Variants in CEP170B observed in about 807,000 individuals in gnomAD.
CEP170B encodes the protein centrosomal protein 170B.
CEP170B carries 55 observed loss-of-function variants against 120.6 expected under a neutral mutation model. The ratio of observed to expected loss-of-function variants is 0.46; its 90% CI spans 0.37 to 0.57. The LOEUF (loss-of-function observed/expected upper bound fraction) is 0.57. CEP170B is among the 20% of genes least tolerant of loss of function. The pLI, the probability that CEP170B is intolerant of heterozygous loss-of-function variation, is 0.00. For synonymous variants in CEP170B, 1,033 were observed against 954.5 expected (o/e 1.08, Z -1.52); for missense variants, 2,212 against 2,253.3 (o/e 0.98, Z 0.37).
rs1896308428 is a variant in CEP170B, at chr14:104,883,994, C to T, written c.1215C>T (p.Val405=). The T allele has an allele frequency of 6.2e-7, 1 of 1,610,838 alleles. No homozygotes were observed. The highest frequency in any genetic ancestry group is 1.3e-5 in the African/African-American group (1 of 75,044). Residue 405 remains valine, a synonymous_variant, in exon 9 of 19, where the codon GTC becomes GTT. Coordinates refer to ENST00000414716, the MANE Select transcript of CEP170B (RefSeq NM_001112726.3). ...TACTACATAACCAGCAGGCCTTTGT[C>T]ATCGAGTTCTTCGACGAGGACACAC... ...QELLHNQQAF[V]IEFFDEDTPR...
At chr14:104,882,042 G>A (rs1896184068) in intron 6 of CEP170B, among the ~76,000 whole-genome samples, 1 of 152,136 alleles carries the variant, frequency 6.6e-6, no homozygotes, top group Non-Finnish European at 1.5e-5. Context: ...CCAGGAAGGA[G>A]ACTGTGGGCA....
chr14:104,893,978 C>G (rs1020229053), intron 16 of CEP170B, 129 bp downstream of exon 16: 30 of 874,668 alleles, frequency 3.4e-5, no homozygotes, highest in African/African-American at 5.0e-5. Flanking sequence ...TGGAGCAGCC[C>G]TCCCGTGTGC....
intron 8 of CEP170B, 126 bp from the exon 9 acceptor site, chr14:104,883,705 G>C (rs72700188): frequency 0.014 from 15,302 of 1,117,220 alleles, 142 homozygotes; most frequent in Middle Eastern, 0.023. Flanking sequence ...TGCCCTGTGT[G>C]GGGGGGCCCT....
chr14:104,893,620 G>A lies in CEP170B; in HGVS notation c.4136G>A (p.Cys1379Tyr). 6.3e-7 allele frequency: 1 copy of A among 1,598,348 alleles called. No homozygotes were observed. Among genetic ancestry groups the A allele is most frequent in the Non-Finnish European group, 8.5e-7 (1 of 1,173,632 alleles). Residue 1379 changes from cysteine to tyrosine, a missense_variant, in exon 15 of 19, where the codon TGT (cysteine) becomes TAT (tyrosine). By Grantham distance (194) the Cys-to-Tyr change is radical. Transcript: ENST00000414716. Reference protein sequence around the residue: ...RDFDQNMNDSCEDALANKTRP... With the variant: ...RDFDQNMNDSYEDALANKTRP... ...TTTGACCAGAACATGAACGACAGCT[G>A]TGAGGACGCCCTGGCCAACAAGACG...
Position 104,889,752 on chromosome 14 carries a change from T to C in CEP170B, c.3872T>C (p.Ile1291Thr), listed in dbSNP as rs1896698243. 1.9e-6 allele frequency: 3 copies of C among 1,601,132 alleles called. No homozygotes were observed. Among genetic ancestry groups the C allele is most frequent in the African/African-American group, 1.3e-5 (1 of 74,584 alleles). ...FIVQTAEIAE[I>T]ARLSQTLVKD... The stretch of plus-strand genomic sequence containing the variant: ...GTGCAGACGGCAGAGATTGCGGAGA[T>C]TGCCAGGTGAGTAGCCCATTCAGAG... Residue 1291 changes from isoleucine to threonine, a missense_variant, in exon 13 of 19, where the codon ATT (isoleucine) becomes ACT (threonine). This residue lies in a region of CEP170B where 2,166 missense variants were observed against 2,166.7 expected (regional missense o/e 1.00). Coordinates refer to ENST00000414716, the MANE Select transcript of CEP170B (RefSeq NM_001112726.3).
At position 104,895,038 on chromosome 14, in the gene CEP170B, G is replaced by GTGTTTCT. The variant is rs1897018296; in HGVS notation, c.*80_*81insTGTTTCT. On this transcript the variant is annotated 3_prime_UTR_variant, in exon 19 of 19. Transcript: ENST00000414716. The stretch of plus-strand genomic sequence containing the variant: ...CCGCCGCACACCCGCCTGCCTGGCC[G>GTGTTTCT]CAGGTGGTTCTCCCTGAAGACCCCC... The GTGTTTCT allele has an allele frequency of 1.4e-6, 2 of 1,428,490 alleles. No homozygotes were observed. Among genetic ancestry groups the GTGTTTCT allele is most frequent in the Non-Finnish European group, 1.9e-6 (2 of 1,077,674 alleles). 88.5% of individuals were successfully genotyped at this position (1,428,490 alleles called of 1,614,324 possible).
intron 2 of CEP170B, among the ~76,000 whole-genome samples, chr14:104,872,261 T>TGCC (rs2140632649): frequency 7.6e-6 from 1 of 131,800 alleles, no homozygotes; most frequent in African/African-American, 3.0e-5. Flanking sequence ...GCCATGTGTG[T>TGCC]GCGTGTGGGT....
In CEP170B at chr14:104,865,281, C is replaced by T. The variant is rs1190355793; in HGVS notation, c.-260C>T. 2.1e-5 allele frequency: 3 copies of T among 146,296 alleles called. No individual in the cohort carries two copies. Among genetic ancestry groups the T allele is most frequent in the African/African-American group, 4.9e-5 (2 of 40,720 alleles). The allele number at this position is 146,296 out of a possible 1,614,324, so 9.1% of individuals were successfully genotyped here. A position where few individuals can be genotyped will look rare whatever the true frequency, so the allele number is the denominator to read the frequency against. On this transcript the variant is annotated 5_prime_UTR_variant, in exon 1 of 19. Transcript: ENST00000414716. The surrounding 1 kb of genome is among the most constrained non-coding windows in gnomAD (Gnocchi z 6.7). ...TGAGCCTCCCGCAGACGTCAGGGAC[C>T]CGCGCGCGAGGCCGCCGGCGGCCGC...
At chr14:104,865,040 G>C (rs1490164989), upstream of CEP170B, among the ~76,000 whole-genome samples, 1 of 151,396 alleles carries the variant, frequency 6.6e-6, no homozygotes, top group Non-Finnish European at 1.5e-5. The surrounding 1 kb of genome is among the most constrained non-coding windows in gnomAD (Gnocchi z 6.7). Flanking sequence ...CGGGGCCTGG[G>C]CGGTGGGGGA....
rs1307310618 is a variant in CEP170B at position 104,895,056 on chromosome 14, A to G, written c.*98A>G. The G allele has an allele frequency of 5.9e-6, 8 of 1,352,674 alleles. No individual in the cohort carries two copies. Among genetic ancestry groups the G allele is most frequent in the Non-Finnish European group, 7.9e-6 (8 of 1,013,288 alleles). The allele number at this position is 1,352,674 out of a possible 1,614,324, so 83.8% of individuals were successfully genotyped here. Reference sequence around the variant, plus strand: ...CCTGGCCGCAGGTGGTTCTCCCTGAAGACCCCCACATGTGCCATATCCCTG... The same window carrying G: ...CCTGGCCGCAGGTGGTTCTCCCTGAGGACCCCCACATGTGCCATATCCCTG... On this transcript the variant is annotated 3_prime_UTR_variant, in exon 19 of 19. Transcript: ENST00000414716.
At chr14:104,888,387 C>T (rs1291053033) in intron 12 of CEP170B, among the ~76,000 whole-genome samples, 2 of 152,238 alleles carry the variant, frequency 1.3e-5, no homozygotes, top group East Asian at 1.9e-4. Context: ...CCATGGATCT[C>T]TGCCGCAGTA....
intron 3 of CEP170B, among the ~76,000 whole-genome samples, chr14:104,877,401 T>C (rs1895911026): frequency 6.6e-6 from 1 of 152,114 alleles, no homozygotes; most frequent in African/African-American, 2.4e-5. Flanking sequence ...CCCACCTGCC[T>C]GTGGGACTGG....
In CEP170B at chr14:104,891,216, C is replaced by T. The variant is rs1449015424; in HGVS notation, c.3878+1458C>T. 2.0e-5 allele frequency among the ~76,000 whole-genome samples: 3 copies of T among 152,086 alleles called. No homozygotes were observed. Among genetic ancestry groups the T allele is most frequent in the Non-Finnish European group, 4.4e-5 (3 of 67,994 alleles). On this transcript the variant is annotated intron_variant, in intron 13 of 18. Coordinates refer to ENST00000414716, the MANE Select transcript of CEP170B (RefSeq NM_001112726.3). This position sits in a 1 kb window ranked among gnomAD's most constrained non-coding sequence, Gnocchi z 4.3. ...TCACATGGTCATTCAGTAACAGGGC[C>T]CTCTCCAGGCCAGGCGCTGGGGAGG...
At position 104,896,584 on chromosome 14, in the gene CEP170B, C is replaced by G. The variant is rs1209382108; in HGVS notation, c.*1626C>G. On this transcript the variant is annotated 3_prime_UTR_variant, in exon 19 of 19. Transcript: ENST00000414716. ...CACACTGAGCTCCTTTGTTCCTCCC[C>G]CTCCAGCCTTTGCCTGGGAACTGGT... 1 of 456,106 alleles carries G rather than the reference C, an allele frequency of 2.2e-6. No individual in the cohort carries two copies. Among genetic ancestry groups the G allele is most frequent in the East Asian group, 7.0e-5 (1 of 14,382 alleles). 28.3% of individuals were successfully genotyped at this position (456,106 alleles called of 1,614,324 possible).
intron 5 of CEP170B, 102 bp from the exon 6 acceptor site, chr14:104,880,185 T>G: frequency 6.8e-7 from 1 of 1,467,018 alleles, no homozygotes. Context: ...ACATGCAAAG[T>G]CATAGCTGGG....
Position 104,895,057 on chromosome 14 carries a change from G to T in CEP170B, c.*99G>T. The T allele has an allele frequency of 1.5e-6, 2 of 1,354,972 alleles. No homozygotes were observed. The highest frequency in any genetic ancestry group is 2.0e-6 in the Non-Finnish European group (2 of 1,015,104). The allele number at this position is 1,354,972 out of a possible 1,614,324, so 83.9% of individuals were successfully genotyped here. Reference sequence around the variant, plus strand: ...CTGGCCGCAGGTGGTTCTCCCTGAAGACCCCCACATGTGCCATATCCCTGT... The same window carrying T: ...CTGGCCGCAGGTGGTTCTCCCTGAATACCCCCACATGTGCCATATCCCTGT... On this transcript the variant is annotated 3_prime_UTR_variant, in exon 19 of 19. Coordinates refer to ENST00000414716, the MANE Select transcript of CEP170B (RefSeq NM_001112726.3).
rs1318225779 is a variant in CEP170B, at chr14:104,882,799, C to T, written c.544C>T (p.Pro182Ser). 1 of 1,612,308 alleles carries T rather than the reference C, an allele frequency of 6.2e-7. No individual in the cohort carries two copies. The highest frequency in any genetic ancestry group is 1.7e-5 in the Admixed American group (1 of 59,994). The change falls in exon 7 of 19, where the codon CCT becomes TCT. Residue 182 changes from proline to serine, a missense_variant. Coordinates refer to ENST00000414716, the MANE Select transcript of CEP170B (RefSeq NM_001112726.3). Reference protein sequence around the residue: ...WWGEDDGSTLPDAQRQGEPYP... With the variant: ...WWGEDDGSTLSDAQRQGEPYP... The stretch of plus-strand genomic sequence containing the variant: ...GGGTGAGGACGATGGTAGCACGCTG[C>T]CTGACGCCCAGCGCCAGGGAGAGCC...
At chr14:104,877,597 A>G (rs1895924808) in intron 3 of CEP170B, among the ~76,000 whole-genome samples, 1 of 152,190 alleles carries the variant, frequency 6.6e-6, no homozygotes, top group South Asian at 2.1e-4. Context: ...CTTGGAGTCC[A>G]CTTCACAAAG....
chr14:104,889,902 AC>A, intron 13 of CEP170B, 144 bp downstream of exon 13: 2 of 601,768 alleles, frequency 3.3e-6, no homozygotes, highest in South Asian at 2.5e-5. Flanking sequence ...GGATGGATGG[AC>A]AAATGGATGG....
Sources: allele counts gnomAD v4.1 joint callset (sites outside exome capture counted in the v4.1 genomes callset), GRCh38; gene constraint gnomAD v4.1.1; regional missense constraint gnomAD v4.1.1; non-coding constraint Gnocchi (gnomAD v3.1); transcripts MANE v1.5; gene names NCBI Gene and HGNC (gene_info 2026-07-23, HGNC 2026-07-21).